Variants in SGK1 observed in about 807,000 individuals in gnomAD.
The protein encoded by SGK1 is serum/glucocorticoid regulated kinase 1, also known as serine/threonine-protein kinase Sgk1.
In SGK1, 26 loss-of-function variants were observed where a neutral mutation model predicts 64.2. The ratio of observed to expected loss-of-function variants is 0.40; its 90% CI spans 0.30 to 0.56. The LOEUF (loss-of-function observed/expected upper bound fraction) is 0.56. Ranked by LOEUF, SGK1 falls within the 20% of genes least tolerant of loss-of-function variation. The pLI is 0.38. For synonymous variants in SGK1, 265 were observed against 239.7 expected (o/e 1.11, Z -0.98); for missense variants, 519 against 645.6 (o/e 0.80, Z 2.12).
At position 134,282,282 on chromosome 6, in the gene SGK1, G is replaced by A. The variant is rs77850498; in HGVS notation, c.70-20134C>T. On this transcript the variant is annotated intron_variant, in intron 1 of 13. Transcript: ENST00000367858. ...ATAGGGGTATTGACAAACTAGGAAC[G>A]CTCTAAGAGCAGATAGAACAGTGAA... Among the ~76,000 whole-genome samples, 769 of 152,240 alleles carry A rather than the reference G, an allele frequency of 5.1e-3. 2 individuals are homozygous for A. Among genetic ancestry groups the A allele is most frequent in the Non-Finnish European group, 9.3e-3 (632 of 68,012 alleles).
intron 2 of SGK1, among the ~76,000 whole-genome samples, chr6:134,234,958 A>G (rs1001329055): frequency 4.6e-5 from 7 of 152,356 alleles, no homozygotes; most frequent in East Asian, 3.9e-4. Context: ...AAATGAGTCA[A>G]GTATTGGAAA....
chr6:134,280,838 A>T (rs1472029523), intron 1 of SGK1, among the ~76,000 whole-genome samples: 1 of 152,144 alleles, frequency 6.6e-6, no homozygotes, highest in Non-Finnish European at 1.5e-5. Flanking sequence ...AGGCCAAGGC[A>T]GGCGGATCAC....
chr6:134,196,561 G>A (rs906884461), intron 3 of SGK1, among the ~76,000 whole-genome samples: 1 of 152,312 alleles, frequency 6.6e-6, no homozygotes, highest in Non-Finnish European at 1.5e-5. Context: ...CAGAAGGCCT[G>A]ACTCAAGAAT....
intron 3 of SGK1, among the ~76,000 whole-genome samples, chr6:134,188,431 C>A (rs747607428): frequency 2.6e-5 from 4 of 152,116 alleles, no homozygotes; most frequent in South Asian, 2.1e-4. Context: ...GCTCACTGTG[C>A]GGGTATCTTT....
At chr6:134,211,995 A>G (rs899449979) in intron 2 of SGK1, among the ~76,000 whole-genome samples, 3 of 151,830 alleles carry the variant, frequency 2.0e-5, no homozygotes, top group African/African-American at 7.2e-5. Flanking sequence ...AAAGCTCTTC[A>G]CAGGTTGAAT....
At chr6:134,201,904 C>CA (rs1204091603) in intron 3 of SGK1, among the ~76,000 whole-genome samples, 1 of 152,080 alleles carries the variant, frequency 6.6e-6, no homozygotes, top group Non-Finnish European at 1.5e-5. Flanking sequence ...GGGCATGCTG[C>CA]AGTGTAGAAA....
chr6:134,202,998 C>G (rs543228331), intron 3 of SGK1, among the ~76,000 whole-genome samples: 1 of 152,292 alleles, frequency 6.6e-6, no homozygotes, highest in Admixed American at 6.5e-5. Context: ...AATGCCAGCT[C>G]TTTGGGAGGC....
chr6:134,272,438 G>A (rs1480886920), intron 1 of SGK1, among the ~76,000 whole-genome samples: 1 of 146,636 alleles, frequency 6.8e-6, no homozygotes, highest in Non-Finnish European at 1.5e-5. Context: ...ACAGGCGTGA[G>A]CCACTGCGCC....
intron 1 of SGK1, among the ~76,000 whole-genome samples, chr6:134,273,802 C>T (rs985098897): frequency 7.3e-5 from 11 of 151,594 alleles, no homozygotes; most frequent in African/African-American, 2.7e-4. Context: ...TGAGGGGACC[C>T]TGAAGTATTT....
chr6:134,203,353 C>A lies in SGK1; in HGVS notation c.361+4003G>T, dbSNP rs376152288. Among the ~76,000 whole-genome samples the A allele has an allele frequency of 1.8e-4, 27 of 152,240 alleles. No homozygotes were observed. The South Asian group carries it at 5.4e-3, about 30-fold the overall frequency. Reference sequence around the variant, plus strand: ...TCAACAGGTAAATTAATATTAAATTCTAAAACCTATTCAAATAATCCTAGA... The same window carrying A: ...TCAACAGGTAAATTAATATTAAATTATAAAACCTATTCAAATAATCCTAGA... On this transcript the variant is annotated intron_variant, in intron 3 of 13. Coordinates refer to ENST00000367858, the MANE Select transcript of SGK1 (RefSeq NM_001143676.3).
At chr6:134,207,579 C>T in intron 2 of SGK1, 148 bp from the exon 3 acceptor site, 1 of 646,642 alleles carries the variant, frequency 1.5e-6, no homozygotes, top group Non-Finnish European at 2.7e-6. Flanking sequence ...TTTCTCAGGA[C>T]CGTGCTGGGT....
intron 2 of SGK1, among the ~76,000 whole-genome samples, chr6:134,243,561 G>T (rs1776480098): frequency 6.6e-6 from 1 of 152,076 alleles, no homozygotes; most frequent in Admixed American, 6.6e-5. Flanking sequence ...TAGAGACGGG[G>T]TTTCTCCATG....
intron 1 of SGK1, among the ~76,000 whole-genome samples, chr6:134,313,552 G>T (rs1777637150): frequency 6.6e-6 from 1 of 151,314 alleles, no homozygotes; most frequent in African/African-American, 2.4e-5. Context: ...TTAGCAAAAA[G>T]GAAAGCACAC....
In SGK1 at chr6:134,181,918, C is replaced by T. The variant is rs557264640; in HGVS notation, c.362-7332G>A. The stretch of plus-strand genomic sequence containing the variant: ...CATCACCCAGGCTGAAGTGCAGTGG[C>T]GCAATCTTGGCTTACTGCAACCTCC... On this transcript the variant is annotated intron_variant, in intron 3 of 13. Coordinates refer to ENST00000367858, the MANE Select transcript of SGK1 (RefSeq NM_001143676.3). 1.1e-4 allele frequency among the ~76,000 whole-genome samples: 17 copies of T among 152,068 alleles called. No individual in the cohort carries two copies. In the South Asian group the frequency reaches 2.9e-3, roughly 26 times the overall value.
chr6:134,290,184 C>T (rs1192530295), intron 1 of SGK1, among the ~76,000 whole-genome samples: 1 of 145,582 alleles, frequency 6.9e-6, no homozygotes, highest in African/African-American at 2.6e-5. Flanking sequence ...ATTAGCTATG[C>T]ATGTTGGCAT....
chr6:134,194,725 G>C (rs1303577338), intron 3 of SGK1, among the ~76,000 whole-genome samples: 1 of 152,100 alleles, frequency 6.6e-6, no homozygotes, highest in Non-Finnish European at 1.5e-5. Context: ...GTTTCACCAT[G>C]TCGGCCAGGC....
At chr6:134,171,367 T>C (rs1192932101) in intron 11 of SGK1, 189 bp from the exon 12 acceptor site, 3 of 638,526 alleles carry the variant, frequency 4.7e-6, no homozygotes, top group Non-Finnish European at 8.2e-6. Flanking sequence ...TTTGTGTGTG[T>C]GTGTGTGGAG....
At position 134,171,006 on chromosome 6, in the gene SGK1, AG is replaced by A. The variant is rs770097947; in HGVS notation, c.1323+16del. ...CACGTCCCGGCCGGCCCAGGAGGAC[AG>A]GAAAACATCACTCACGAAGTCATCC... On this transcript the variant is annotated intron_variant, in intron 12 of 13. Transcript: ENST00000367858. 6.9e-5 allele frequency: 112 copies of A among 1,613,976 alleles called. No homozygotes were observed. The African/African-American group carries it at 1.4e-3, about 20-fold the overall frequency.
At position 134,289,986 on chromosome 6, in the gene SGK1, T is replaced by TA. The variant is rs1275857856; in HGVS notation, c.69+27405dup. Among the ~76,000 whole-genome samples, 5 of 151,438 alleles carry TA rather than the reference T, an allele frequency of 3.3e-5. No individual in the cohort carries two copies. In the South Asian group the frequency reaches 6.3e-4, roughly 19 times the overall value. On this transcript the variant is annotated intron_variant, in intron 1 of 13. Coordinates refer to ENST00000367858, the MANE Select transcript of SGK1 (RefSeq NM_001143676.3). ...CAACATGGTGAAACCCCATCTCTACTAAAAAAATACAAAAATTAGCTGGGC... is the reference window on the plus strand; with the variant it reads ...CAACATGGTGAAACCCCATCTCTACTAAAAAAAATACAAAAATTAGCTGGGC...
Sources: allele counts gnomAD v4.1 joint callset (sites outside exome capture counted in the v4.1 genomes callset), GRCh38; gene constraint gnomAD v4.1.1; transcripts MANE v1.5; gene names NCBI Gene and HGNC (gene_info 2026-07-23, HGNC 2026-07-21).